The following LNX1 variants were observed in gnomAD, a reference collection of about 807,000 sequenced individuals.
LNX1 encodes E3 ubiquitin-protein ligase LNX.
Under a neutral mutation model 68.4 loss-of-function variants are expected in LNX1, and 54 were observed. The ratio of observed to expected loss-of-function variants is 0.79; its 90% CI spans 0.63 to 0.99. LNX1 has a LOEUF of 0.99. Ranked by LOEUF, LNX1 falls within the 50% of genes least tolerant of loss-of-function variation. The pLI is 0.00. For synonymous variants in LNX1, 336 were observed against 350.0 expected, an observed-to-expected ratio of 0.96 and a Z score of 0.45; for missense variants, 906 against 926.4, an observed-to-expected ratio of 0.98 and a Z score of 0.29.
chr4:53,526,616 C>T (rs1266036572), intron 2 of LNX1, among the ~76,000 whole-genome samples: 1 of 151,658 alleles, frequency 6.6e-6, no homozygotes, highest in Non-Finnish European at 1.5e-5. Flanking sequence ...CAATGCCTTT[C>T]CATGTAATCT....
intron 2 of LNX1, among the ~76,000 whole-genome samples, chr4:53,572,376 A>C (rs1731222068): frequency 6.6e-6 from 1 of 152,226 alleles, no homozygotes; most frequent in African/African-American, 2.4e-5. Context: ...CATCTGGCTG[A>C]ACGTCTTGGG....
chr4:53,629,733 A>G (rs1332842285), intron 1 of LNX1, among the ~76,000 whole-genome samples: 3 of 152,178 alleles, frequency 2.0e-5, no homozygotes, highest in Non-Finnish European at 2.9e-5. Flanking sequence ...GGTAGGGTGG[A>G]TGGACTGCAG....
Position 53,460,174 on chromosome 4 carries a change from G to GCCTT in LNX1, c.*729_*732dup, listed in dbSNP as rs1467747929. ...TGTGAGCCAGGGTCAAGCTGGTTTG[G>GCCTT]CCTTCTTGATGCATTTTCCAAGGCC... On this transcript the variant is annotated 3_prime_UTR_variant, in exon 11 of 11. Transcript: ENST00000263925. 5 of 197,776 alleles carry GCCTT rather than the reference G, an allele frequency of 2.5e-5. No individual in the cohort carries two copies. The Admixed American group carries it at 3.0e-4, about 12-fold the overall frequency. The allele number at this position is 197,776 out of a possible 1,614,324, so 12.3% of individuals were successfully genotyped here.
chr4:53,547,005 C>T (rs2109682216), intron 2 of LNX1, among the ~76,000 whole-genome samples: 1 of 152,302 alleles, frequency 6.6e-6, no homozygotes, highest in African/African-American at 2.4e-5. Flanking sequence ...CCTGCCTCTT[C>T]AGTGAGAGGG....
At position 53,627,398 on chromosome 4, in the gene LNX1, C is replaced by A. The variant is rs112316503; in HGVS notation, c.-215+24770G>T. Among the ~76,000 whole-genome samples the A allele has an allele frequency of 1.7e-3, 261 of 152,264 alleles. 4 individuals carry two copies. The highest frequency in any genetic ancestry group is 5.9e-3 in the African/African-American group (245 of 41,546). On this transcript the variant is annotated intron_variant, in intron 1 of 2. Coordinates refer to the LNX1 transcript ENST00000507168. ...TCAAGTGTTGGTAAACTGATTCTAA[C>A]AGGGTTGAGCAATCTTGAAAGTTTA...
Position 53,572,788 on chromosome 4 carries a change from T to G in LNX1, c.380+835A>C, listed in dbSNP as rs1338224583. On this transcript the variant is annotated intron_variant, in intron 2 of 10. Transcript: ENST00000263925. ...ACCAGAATTCTGCCACCAGTGTGGG[T>G]GTGTGTGTGTGTGGGTGTGTGTGTG... Among the ~76,000 whole-genome samples, 10 of 151,558 alleles carry G rather than the reference T, an allele frequency of 6.6e-5. No homozygotes were observed. The South Asian group carries it at 1.0e-3, about 16-fold the overall frequency.
rs2030142056 is a variant in LNX1 at position 53,552,070 on chromosome 4, T to A, written c.380+21553A>T. On this transcript the variant is annotated intron_variant, in intron 2 of 10. Transcript: ENST00000263925. ...CTCCAGATTCTATAATGAATATTGT[T>A]CCTAGTGATTCCACTTACAAACCAA... Among the ~76,000 whole-genome samples, 7 of 152,206 alleles carry A rather than the reference T, an allele frequency of 4.6e-5. No homozygotes were observed. In the South Asian group the frequency reaches 1.4e-3, roughly 32 times the overall value.
chr4:53,489,907 A>C (rs1724565782), intron 6 of LNX1, among the ~76,000 whole-genome samples: 1 of 152,130 alleles, frequency 6.6e-6, no homozygotes, highest in East Asian at 1.9e-4. Context: ...AAAAAAATAC[A>C]GATCTATCAG....
chr4:53,507,927 C>T lies in LNX1; in HGVS notation c.622+59G>A, dbSNP rs573605288. 11 of 1,577,696 alleles carry T rather than the reference C, an allele frequency of 7.0e-6. No individual in the cohort carries two copies. The East Asian group carries it at 2.5e-4, about 36-fold the overall frequency. ...ACAGAACTTTCCACAGTAAGTATTC[C>T]ACAGAGGGCAATCGCAAGCCAAGGA... On this transcript the variant is annotated intron_variant, in intron 3 of 10. Coordinates refer to ENST00000263925, the MANE Select transcript of LNX1 (RefSeq NM_001126328.3).
At chr4:53,640,745 A>G (rs1734647641) in intron 1 of LNX1, among the ~76,000 whole-genome samples, 1 of 152,230 alleles carries the variant, frequency 6.6e-6, no homozygotes. Context: ...ACTGCCTCTG[A>G]TGACTTAGGT....
upstream of LNX1, among the ~76,000 whole-genome samples, chr4:53,617,852 T>C (rs530362420): frequency 2.0e-5 from 3 of 152,336 alleles, no homozygotes; most frequent in Admixed American, 6.5e-5. Context: ...TATTATTTGT[T>C]AACCAATAGT....
At chr4:53,570,627 C>T (rs1200273926) in intron 2 of LNX1, among the ~76,000 whole-genome samples, 7 of 149,120 alleles carry the variant, frequency 4.7e-5, no homozygotes, top group Non-Finnish European at 8.9e-5. Flanking sequence ...AACTAACCTG[C>T]GTAATGTGCA....
At chr4:53,469,712 C>T (rs1374691909) in intron 9 of LNX1, among the ~76,000 whole-genome samples, 2 of 152,160 alleles carry the variant, frequency 1.3e-5, no homozygotes, top group Non-Finnish European at 2.9e-5. Context: ...ACTATAAACA[C>T]CTCTATGCAA....
intron 2 of LNX1, among the ~76,000 whole-genome samples, chr4:53,520,505 C>A (rs766335877): frequency 3.9e-5 from 6 of 152,182 alleles, no homozygotes; most frequent in Non-Finnish European, 2.9e-5. Context: ...AGTTCATTTC[C>A]TCCATACTTT....
intron 1 of LNX1, among the ~76,000 whole-genome samples, chr4:53,575,124 GGC>G (rs1731403578): frequency 6.6e-6 from 1 of 152,096 alleles, no homozygotes; most frequent in African/African-American, 2.4e-5. Flanking sequence ...TGGGATTACA[GGC>G]GCGCGCCACC....
chr4:53,618,402 C>A (rs1460745647), upstream of LNX1, among the ~76,000 whole-genome samples: 1 of 152,138 alleles, frequency 6.6e-6, no homozygotes, highest in Non-Finnish European at 1.5e-5. Flanking sequence ...ATAATAATGG[C>A]CCAGAACCTT....
At chr4:53,590,082 C>A (rs1325398674) in intron 1 of LNX1, among the ~76,000 whole-genome samples, 1 of 152,078 alleles carries the variant, frequency 6.6e-6, no homozygotes, top group African/African-American at 2.4e-5. Flanking sequence ...CAAACCCCCC[C>A]CCTTAAACTC....
chr4:53,628,231 T>C (rs369235567), intron 1 of LNX1, among the ~76,000 whole-genome samples: 9 of 152,128 alleles, frequency 5.9e-5, no homozygotes, highest in African/African-American at 2.2e-4. Context: ...GGAGAAAATA[T>C]ATGCAAACTA....
chr4:53,575,850 C>T (rs970033907), intron 1 of LNX1: 103 of 1,590,582 alleles, frequency 6.5e-5, no homozygotes, highest in Middle Eastern at 1.7e-4. Flanking sequence ...TAAACAGGAG[C>T]ATGTTTAGAA....
Sources: gnomAD v4.1 joint callset for allele counts (sites outside exome capture counted in the v4.1 genomes callset) on GRCh38, gnomAD v4.1.1 for gene constraint, MANE v1.5 for transcripts, NCBI Gene and HGNC (gene_info 2026-07-23, HGNC 2026-07-21) for gene names.